PEX3: variants seen among roughly 807,000 people sequenced by gnomAD.
The protein encoded by PEX3 is peroxisomal biogenesis factor 3, also known as peroxin-3.
Under a neutral mutation model 55.8 loss-of-function variants are expected in PEX3, and 30 were observed. The observed-to-expected ratio is 0.54, with a 90% confidence interval of 0.40 to 0.73. The LOEUF is 0.73. PEX3 is among the 30% of genes least tolerant of loss of function. The probability of loss-of-function intolerance (pLI) is 0.00; values close to 1 mark genes in which losing one functional copy is unlikely to be tolerated. For missense variants in PEX3, 351 were observed against 432.8 expected (o/e 0.81, Z 1.68); for synonymous variants, 135 against 148.4 (o/e 0.91, Z 0.66).
Position 143,468,166 on chromosome 6 carries a change from G to GTAC in PEX3, c.331+3_331+4insCTA. 1 of 1,584,860 alleles carries GTAC rather than the reference G, an allele frequency of 6.3e-7. No homozygotes were observed. The highest frequency in any genetic ancestry group is 8.7e-7 in the Non-Finnish European group (1 of 1,154,344). ...ATATGGGAGGATCTGAAGATAATAA[G>GTAC]TAAGCCTGCATATTCTGTGTGACAG... On this transcript the variant is annotated splice_donor_variant, in intron 4 of 11. Coordinates refer to ENST00000367591, the MANE Select transcript of PEX3 (RefSeq NM_003630.3). LOFTEE classifies it high-confidence loss of function.
At chr6:143,455,006 G>A (rs141448044) in intron 1 of PEX3, among the ~76,000 whole-genome samples, 47 of 152,150 alleles carry the variant, frequency 3.1e-4, no homozygotes, top group East Asian at 2.9e-3. Flanking sequence ...AATCACTTAG[G>A]GAGCTTAATA....
rs1369621713 is a variant in PEX3, at chr6:143,475,417, C to T, written c.818+561C>T. ...TTGTAATCCCAGCACTTTGAGTGGC[C>T]GAGGCAGGTAGATTGCTTGAGCCTA... is the stretch of plus-strand genomic sequence containing the variant. On this transcript the variant is annotated intron_variant, in intron 9 of 11. Coordinates refer to ENST00000367591, the MANE Select transcript of PEX3 (RefSeq NM_003630.3). This position sits in a 1 kb window ranked among gnomAD's most constrained non-coding sequence, Gnocchi z 4.4. 6.6e-6 allele frequency among the ~76,000 whole-genome samples: 1 copy of T among 151,960 alleles called. No individual in the cohort carries two copies. Among genetic ancestry groups the T allele is most frequent in the Non-Finnish European group, 1.5e-5 (1 of 68,012 alleles).
chr6:143,452,724 G>A (rs1368913771), intron 1 of PEX3, among the ~76,000 whole-genome samples: 2 of 152,158 alleles, frequency 1.3e-5, no homozygotes, highest in East Asian at 1.9e-4. Flanking sequence ...GTAGATGACC[G>A]TGGTTGGCAT....
At position 143,459,687 on chromosome 6, in the gene PEX3, G is replaced by C. The variant is rs926318065; in HGVS notation, c.205+471G>C. ...GGAGCCATGTGAAATGCCTGAGGCGGGAACAAGCTTGGTACTCTCAGGACA... is the reference window on the plus strand; with the variant it reads ...GGAGCCATGTGAAATGCCTGAGGCGCGAACAAGCTTGGTACTCTCAGGACA... On this transcript the variant is annotated intron_variant, in intron 2 of 11. Coordinates refer to ENST00000367591, the MANE Select transcript of PEX3 (RefSeq NM_003630.3). The surrounding 1 kb of genome is among the most constrained non-coding windows in gnomAD (Gnocchi z 4.2). Among the ~76,000 whole-genome samples the C allele has an allele frequency of 7.2e-5, 11 of 152,166 alleles. No homozygotes were observed. The highest frequency in any genetic ancestry group is 2.7e-4 in the African/African-American group (11 of 41,428).
chr6:143,472,467 T>C (rs1203145956), intron 8 of PEX3, 139 bp downstream of exon 8: 1 of 667,900 alleles, frequency 1.5e-6, no homozygotes, highest in African/African-American at 1.8e-5. Context: ...GTAAAACCCA[T>C]TAATTTAGAA....
rs1214968741 is a variant in PEX3 at position 143,483,723 on chromosome 6, G to A, written c.942-1429G>A. Among the ~76,000 whole-genome samples, 1 of 152,082 alleles carries A rather than the reference G, an allele frequency of 6.6e-6. No individual in the cohort carries two copies. The highest frequency in any genetic ancestry group is 6.6e-5 in the Admixed American group (1 of 15,246). On this transcript the variant is annotated intron_variant, in intron 10 of 11. Transcript: ENST00000367591. This position sits in a 1 kb window ranked among gnomAD's most constrained non-coding sequence, Gnocchi z 4.3. ...AAAAGGAATTGGGTAAACAGGGACTGGGGCAGGACAGACAAATGGATGAAT... is the reference window on the plus strand; with the variant it reads ...AAAAGGAATTGGGTAAACAGGGACTAGGGCAGGACAGACAAATGGATGAAT...
Position 143,483,185 on chromosome 6 carries a change from C to T in PEX3, c.942-1967C>T, listed in dbSNP as rs1050521644. Among the ~76,000 whole-genome samples the T allele has an allele frequency of 6.6e-6, 1 of 152,022 alleles. No homozygotes were observed. The highest frequency in any genetic ancestry group is 2.4e-5 in the African/African-American group (1 of 41,396). On this transcript the variant is annotated intron_variant, in intron 10 of 11. Coordinates refer to ENST00000367591, the MANE Select transcript of PEX3 (RefSeq NM_003630.3). This position sits in a 1 kb window ranked among gnomAD's most constrained non-coding sequence, Gnocchi z 4.3. ...TTCACAAAAGAGCAGATGGAAATGG[C>T]CAGTTTGTTAATCTAAGATTTATTG...
chr6:143,484,863 G>A (rs1780291877), intron 10 of PEX3: 2 of 365,978 alleles, frequency 5.5e-6, no homozygotes, highest in Admixed American at 4.2e-5. Context: ...CTTTTAATAA[G>A]ATGGAAAATA....
At position 143,466,222 on chromosome 6, in the gene PEX3, T is replaced by C. The variant is rs1277088192; in HGVS notation, c.288-1900T>C. On this transcript the variant is annotated intron_variant, in intron 3 of 11. Coordinates refer to ENST00000367591, the MANE Select transcript of PEX3 (RefSeq NM_003630.3). This position sits in a 1 kb window ranked among gnomAD's most constrained non-coding sequence, Gnocchi z 5.4. ...AGGTTTCAGTTAGCCATGACAACCA[T>C]GGTCTAAAAATATTAAATGGAAAAT... Among the ~76,000 whole-genome samples, 1 of 152,082 alleles carries C rather than the reference T, an allele frequency of 6.6e-6. No homozygotes were observed. The highest frequency in any genetic ancestry group is 1.9e-4 in the East Asian group (1 of 5,206).
At chr6:143,472,897 A>G (rs904289738) in intron 8 of PEX3, among the ~76,000 whole-genome samples, 2 of 152,258 alleles carry the variant, frequency 1.3e-5, no homozygotes, top group African/African-American at 2.4e-5. Context: ...TAATCCAAAA[A>G]TTATCAACTA....
At position 143,488,680 on chromosome 6, in the gene PEX3, C is replaced by T. The variant is rs192530447; in HGVS notation, c.1039-463C>T. On this transcript the variant is annotated intron_variant, in intron 11 of 11. Coordinates refer to ENST00000367591, the MANE Select transcript of PEX3 (RefSeq NM_003630.3). The surrounding 1 kb of genome is among the most constrained non-coding windows in gnomAD (Gnocchi z 4.9). ...CAAATCCCTTGGGGTGTTAATAACC[C>T]TTACACTATAGTGTATATGTGTGGT... 2.6e-5 allele frequency among the ~76,000 whole-genome samples: 4 copies of T among 152,144 alleles called. No homozygotes were observed. Among genetic ancestry groups the T allele is most frequent in the African/African-American group, 7.2e-5 (3 of 41,542 alleles).
At chr6:143,460,555 ATT>A (rs1779903545) in intron 2 of PEX3, among the ~76,000 whole-genome samples, 2 of 152,162 alleles carry the variant, frequency 1.3e-5, no homozygotes, top group Non-Finnish European at 2.9e-5. Context: ...TCTGCTTATT[ATT>A]TGAATTTTCA....
Position 143,459,560 on chromosome 6 carries a change from A to T in PEX3, c.205+344A>T, listed in dbSNP as rs1343566317. On this transcript the variant is annotated intron_variant, in intron 2 of 11. Transcript: ENST00000367591. The surrounding 1 kb of genome is among the most constrained non-coding windows in gnomAD (Gnocchi z 4.2). The stretch of plus-strand genomic sequence containing the variant: ...GGCAGTGATGGCTGCCATATGGAAC[A>T]TAAAGCCATGTGAGGGCTGGAACGT... Among the ~76,000 whole-genome samples the T allele has an allele frequency of 6.6e-6, 1 of 152,254 alleles. No individual in the cohort carries two copies. The highest frequency in any genetic ancestry group is 1.5e-5 in the Non-Finnish European group (1 of 68,046).
intron 1 of PEX3, among the ~76,000 whole-genome samples, chr6:143,457,240 T>C (rs1198865209): frequency 2.0e-5 from 3 of 152,222 alleles, no homozygotes; most frequent in African/African-American, 7.2e-5. Context: ...AGAGTAACTT[T>C]GTGAAATGTA....
rs769037641 is a variant in PEX3, at chr6:143,471,522, A to G, written c.524-35A>G. 2 of 1,585,632 alleles carry G rather than the reference A, an allele frequency of 1.3e-6. No individual in the cohort carries two copies. The highest frequency in any genetic ancestry group is 2.2e-5 in the South Asian group (2 of 90,158). On this transcript the variant is annotated intron_variant, in intron 6 of 11. Coordinates refer to ENST00000367591, the MANE Select transcript of PEX3 (RefSeq NM_003630.3). The surrounding 1 kb of genome is among the most constrained non-coding windows in gnomAD (Gnocchi z 5.4). ...TTTATTATTGAGGAATTTTTAAACT[A>G]AGCAAGGCTTTTAGGTTTGTTTTTT... is the stretch of plus-strand genomic sequence containing the variant.
rs1339119944 is a variant in PEX3 at position 143,485,801 on chromosome 6, T to G, written c.1038+553T>G. ...TGCATGGAGTAATTCAGTAATTCAT[T>G]GAGTAATTCAGTAATTCATTGAGTA... On this transcript the variant is annotated intron_variant, in intron 11 of 11. Coordinates refer to ENST00000367591, the MANE Select transcript of PEX3 (RefSeq NM_003630.3). The surrounding 1 kb of genome is among the most constrained non-coding windows in gnomAD (Gnocchi z 5.6). Among the ~76,000 whole-genome samples, 2 of 152,094 alleles carry G rather than the reference T, an allele frequency of 1.3e-5. No individual in the cohort carries two copies. Among genetic ancestry groups the G allele is most frequent in the Non-Finnish European group, 2.9e-5 (2 of 67,990 alleles).
intron 4 of PEX3, among the ~76,000 whole-genome samples, chr6:143,468,820 A>G (rs1584008980): frequency 2.1e-5 from 1 of 47,960 alleles, no homozygotes; most frequent in Non-Finnish European, 4.1e-5. Flanking sequence ...CCCCCACCCC[A>G]CGACAGGCCC....
chr6:143,476,822 T>C lies in PEX3; in HGVS notation c.818+1966T>C, dbSNP rs941476219. On this transcript the variant is annotated intron_variant, in intron 9 of 11. Transcript: ENST00000367591. This position sits in a 1 kb window ranked among gnomAD's most constrained non-coding sequence, Gnocchi z 5.4. ...CAAATATAATGTTGGGAGTCATCAC[T>C]TTGTATATGGTATTTAAAGACATGG... is the stretch of plus-strand genomic sequence containing the variant. 1.3e-5 allele frequency among the ~76,000 whole-genome samples: 2 copies of C among 152,148 alleles called. No homozygotes were observed. Among genetic ancestry groups the C allele is most frequent in the Admixed American group, 1.3e-4 (2 of 15,270 alleles).
In PEX3 at chr6:143,453,423, G is replaced by C. The variant is rs151071878; in HGVS notation, c.73+2308G>C. On this transcript the variant is annotated intron_variant, in intron 1 of 11. Transcript: ENST00000367591. This position sits in a 1 kb window ranked among gnomAD's most constrained non-coding sequence, Gnocchi z 4.6. The stretch of plus-strand genomic sequence containing the variant: ...AACAATTTCTGTTTCCTCAGATTTT[G>C]GGTGGGTAACTAATTGGTTTACGCG... 6.6e-6 allele frequency among the ~76,000 whole-genome samples: 1 copy of C among 152,132 alleles called. No individual in the cohort carries two copies.
Sources: allele counts gnomAD v4.1 joint callset (sites outside exome capture counted in the v4.1 genomes callset), GRCh38; gene constraint gnomAD v4.1.1; non-coding constraint Gnocchi (gnomAD v3.1); transcripts MANE v1.5; gene names NCBI Gene and HGNC (gene_info 2026-07-23, HGNC 2026-07-21).